Variants in DAB1 observed in about 807,000 individuals in gnomAD.
DAB1 encodes the protein DAB adaptor protein 1.
In DAB1, 15 loss-of-function variants were observed where a neutral mutation model predicts 64.6. The observed-to-expected ratio is 0.23, with a 90% CI of 0.16 to 0.36. The LOEUF (loss-of-function observed/expected upper bound fraction) is 0.36, where lower values mean the gene tolerates loss of function less well. Among genes scored for constraint, DAB1 ranks in the 10% least tolerant of loss-of-function variants. The pLI is 1.00. For synonymous variants in DAB1, 235 were observed against 251.9 expected (o/e 0.93, Z 0.64); for missense variants, 596 against 706.7 (o/e 0.84, Z 1.78).
At chr1:57,012,848 T>C (rs1232302677) in intron 12 of DAB1, among the ~76,000 whole-genome samples, 3 of 152,250 alleles carry the variant, frequency 2.0e-5, no homozygotes, top group South Asian at 4.1e-4. Context: ...TTGCCAGTTC[T>C]GGCAGGTATA....
intron 7 of DAB1, among the ~76,000 whole-genome samples, chr1:57,454,961 T>C (rs747277964): frequency 6.6e-5 from 10 of 152,032 alleles, no homozygotes; most frequent in Non-Finnish European, 1.3e-4. Context: ...TTAATAAAGA[T>C]ACATGAAAAA....
chr1:58,091,892 A>AT (rs371379015), intron 5 of DAB1, among the ~76,000 whole-genome samples: 46 of 145,336 alleles, frequency 3.2e-4, no homozygotes, highest in Admixed American at 1.0e-3. Flanking sequence ...TGAACTCCTG[A>AT]TTTTTTTTTT....
intron 5 of DAB1, among the ~76,000 whole-genome samples, chr1:58,106,146 T>C (rs1651627070): frequency 6.8e-6 from 1 of 146,658 alleles, no homozygotes; most frequent in Non-Finnish European, 1.5e-5. Context: ...CTTTCTTTCT[T>C]TTCTTTCTTT....
At chr1:58,248,433 C>T (rs1198054862) in intron 4 of DAB1, among the ~76,000 whole-genome samples, 1 of 152,174 alleles carries the variant, frequency 6.6e-6, no homozygotes, top group Non-Finnish European at 1.5e-5. Flanking sequence ...GGTGGAGAGA[C>T]TGGGGCCCCA....
At chr1:58,441,233 C>T (rs528625294) in intron 3 of DAB1, among the ~76,000 whole-genome samples, 3 of 152,290 alleles carry the variant, frequency 2.0e-5, no homozygotes, top group South Asian at 2.1e-4. Flanking sequence ...ATAGATGCCA[C>T]GAACTCAGAA....
At chr1:57,770,296 G>T (rs1428847044) in intron 6 of DAB1, among the ~76,000 whole-genome samples, 1 of 152,052 alleles carries the variant, frequency 6.6e-6, no homozygotes, top group Non-Finnish European at 1.5e-5. Context: ...GATTGACAGG[G>T]CCTCACTCTC....
chr1:57,281,107 C>T (rs1671850605), intron 2 of DAB1, among the ~76,000 whole-genome samples: 1 of 152,150 alleles, frequency 6.6e-6, no homozygotes, highest in African/African-American at 2.4e-5. Flanking sequence ...ATAAATATTG[C>T]TGCATACCTA....
chr1:57,091,842 G>GTGTGGTTTTTGTTTGT (rs575053281), intron 4 of DAB1, among the ~76,000 whole-genome samples: 150 of 152,304 alleles, frequency 9.8e-4, no homozygotes, highest in African/African-American at 3.6e-3. Flanking sequence ...TTACCTAAGT[G>GTGTGGTTTTTGTTTGT]TGTGGTTTTT....
chr1:58,476,667 T>C (rs1645422097), intron 3 of DAB1, among the ~76,000 whole-genome samples: 1 of 152,224 alleles, frequency 6.6e-6, no homozygotes, highest in Non-Finnish European at 1.5e-5. Flanking sequence ...AAAAACATGT[T>C]ATGAGGTGAT....
chr1:57,742,940 C>A (rs895918623), intron 6 of DAB1, among the ~76,000 whole-genome samples: 1 of 152,120 alleles, frequency 6.6e-6, no homozygotes, highest in Non-Finnish European at 1.5e-5. Flanking sequence ...TATGCCATAC[C>A]CATGCCTTTG....
intron 4 of DAB1, among the ~76,000 whole-genome samples, chr1:58,189,595 G>A (rs1343157485): frequency 1.3e-5 from 2 of 152,182 alleles, no homozygotes; most frequent in East Asian, 3.8e-4. Flanking sequence ...AACCAGCCCT[G>A]CCCACTGGTT....
At chr1:58,457,893 C>T (rs576838638) in intron 3 of DAB1, among the ~76,000 whole-genome samples, 7 of 152,270 alleles carry the variant, frequency 4.6e-5, no homozygotes, top group African/African-American at 9.6e-5. Context: ...AAGAATGGTC[C>T]GCTACACATC....
chr1:58,532,684 T>G (rs79561508), intron 1 of DAB1, among the ~76,000 whole-genome samples: 2 of 151,894 alleles, frequency 1.3e-5, no homozygotes, highest in Non-Finnish European at 2.9e-5. Flanking sequence ...TGAGCCACCA[T>G]GCTCAGCTAA....
chr1:57,663,054 A>C (rs1646405359), intron 6 of DAB1, among the ~76,000 whole-genome samples: 1 of 152,222 alleles, frequency 6.6e-6, no homozygotes, highest in East Asian at 1.9e-4. Flanking sequence ...TAATTTATAA[A>C]GAAAAGAGGT....
At chr1:58,541,041 G>A (rs1194046297) in intron 1 of DAB1, among the ~76,000 whole-genome samples, 1 of 151,978 alleles carries the variant, frequency 6.6e-6, no homozygotes, top group East Asian at 1.9e-4. Flanking sequence ...TGGGCATGGT[G>A]GCTCACGCCT....
At chr1:58,034,839 G>A (rs1307538616) in intron 5 of DAB1, among the ~76,000 whole-genome samples, 3 of 152,106 alleles carry the variant, frequency 2.0e-5, no homozygotes, top group Admixed American at 6.6e-5. Context: ...AATGAAAACC[G>A]AGGTTGTCAT....
intron 5 of DAB1, among the ~76,000 whole-genome samples, chr1:58,071,389 TGTGTGTGTGTGTGTGTGGGTGG>T (rs980535900): frequency 6.6e-6 from 1 of 150,794 alleles, no homozygotes; most frequent in African/African-American, 2.5e-5. Context: ...TGTGTGTGTG[TGTGTGTGTGTGTGTGTGGGTGG>T]GGAGAGACTG....
rs117079911 is a variant in DAB1, at chr1:57,969,713, T to C, written n.388-85551A>G. On this transcript the variant is annotated intron_variant and non_coding_transcript_variant, in intron 5 of 20. Transcript: ENST00000485760. ...GTACTTGAAACTATGCTGTTTCATT[T>C]GATTCTTGCAATCAAATCAACAATC... Among the ~76,000 whole-genome samples the C allele has an allele frequency of 5.3e-5, 8 of 152,330 alleles. No individual in the cohort carries two copies. The East Asian group carries it at 1.5e-3, about 29-fold the overall frequency.
At chr1:57,852,223 G>A (rs1653559686) in intron 1 of DAB1, among the ~76,000 whole-genome samples, 2 of 152,276 alleles carry the variant, frequency 1.3e-5, no homozygotes, top group South Asian at 4.1e-4. Context: ...TTCCCTGGGG[G>A]AAAGGAATGC....
Sources: allele counts gnomAD v4.1 joint callset (sites outside exome capture counted in the v4.1 genomes callset), GRCh38; gene constraint gnomAD v4.1.1; transcripts MANE v1.5; gene names NCBI Gene and HGNC (gene_info 2026-07-23, HGNC 2026-07-21).